The following DOCK2 variants were observed in gnomAD, a reference collection of about 807,000 sequenced individuals.
The protein encoded by DOCK2 is dedicator of cytokinesis 2.
DOCK2 carries 87 observed loss-of-function variants against 248.9 expected under a neutral mutation model. The ratio of observed to expected loss-of-function variants is 0.35; its 90% CI spans 0.29 to 0.42. DOCK2 has a LOEUF of 0.42. Among genes scored for constraint, DOCK2 ranks in the 10% least tolerant of loss-of-function variants. DOCK2 has a pLI of 1.00. For missense variants in DOCK2, 1,747 were observed against 2,300.2 expected, an observed-to-expected ratio of 0.76 and a Z score of 4.92; for synonymous variants, 805 against 821.6, an observed-to-expected ratio of 0.98 and a Z score of 0.35.
In DOCK2 at chr5:169,687,066, T is replaced by G. The variant is rs144075944; in HGVS notation, c.762-2186T>G. On this transcript the variant is annotated intron_variant, in intron 8 of 51. Coordinates refer to ENST00000520908, the MANE Select transcript of DOCK2 (RefSeq NM_004946.3). ...CCCTCCAAATTGTTTTCCTTATTTA[T>G]GATTGTGCTTCTCCTGGAAGAAAAT... Among the ~76,000 whole-genome samples the G allele has an allele frequency of 1.1e-4, 16 of 152,290 alleles. No homozygotes were observed. The East Asian group carries it at 2.7e-3, about 26-fold the overall frequency.
intron 27 of DOCK2, among the ~76,000 whole-genome samples, chr5:169,857,568 A>G (rs1302414956): frequency 1.3e-5 from 2 of 152,152 alleles, no homozygotes; most frequent in African/African-American, 4.8e-5. Flanking sequence ...CTCTCACCTC[A>G]GGAGAGTTAG....
At chr5:169,840,709 A>T (rs1340596271) in intron 26 of DOCK2, 48 bp from the exon 27 acceptor site, 1 of 1,568,990 alleles carries the variant, frequency 6.4e-7, no homozygotes, top group Non-Finnish European at 8.8e-7. Context: ...ACAATTGTTC[A>T]GATGCAGTGT....
chr5:169,982,311 A>G (rs537652896), intron 27 of DOCK2, among the ~76,000 whole-genome samples: 2 of 152,278 alleles, frequency 1.3e-5, no homozygotes, highest in African/African-American at 2.4e-5. Flanking sequence ...TCACCCTGAT[A>G]TGGACTGATA....
At chr5:169,659,449 G>A (rs1758322470) in intron 2 of DOCK2, among the ~76,000 whole-genome samples, 2 of 152,086 alleles carry the variant, frequency 1.3e-5, no homozygotes, top group Non-Finnish European at 2.9e-5. Context: ...ACTGAAACTG[G>A]CAGATGTATA....
intron 27 of DOCK2, among the ~76,000 whole-genome samples, chr5:169,853,804 C>CTTTTTTTTTTTTTTTTT (rs67124138): frequency 3.5e-5 from 2 of 56,858 alleles, no homozygotes; most frequent in African/African-American, 8.0e-5. Context: ...GGAAAAACAA[C>CTTTTTTTTTTTTTTTTT]TTTTTTTTTT....
chr5:169,990,813 G>A (rs796192456), intron 29 of DOCK2, among the ~76,000 whole-genome samples: 23 of 152,278 alleles, frequency 1.5e-4, no homozygotes, highest in African/African-American at 3.8e-4. Flanking sequence ...GGGCATGTCC[G>A]CCTCCTCTCC....
At chr5:170,035,740 C>A (rs1756301283) in intron 35 of DOCK2, among the ~76,000 whole-genome samples, 1 of 152,050 alleles carries the variant, frequency 6.6e-6, no homozygotes, top group Non-Finnish European at 1.5e-5. Flanking sequence ...CAAATGATGT[C>A]CAGTATGATT....
At chr5:169,949,359 A>G (rs1776569865) in intron 27 of DOCK2, among the ~76,000 whole-genome samples, 1 of 152,206 alleles carries the variant, frequency 6.6e-6, no homozygotes. Context: ...ATGGAGGCCC[A>G]TGAGAGGAGA....
intron 26 of DOCK2, among the ~76,000 whole-genome samples, chr5:169,824,019 T>C (rs1194717200): frequency 6.6e-6 from 1 of 152,140 alleles, no homozygotes; most frequent in South Asian, 2.1e-4. Context: ...TTCTCTTTCA[T>C]AATTGCTTCA....
chr5:170,000,197 G>GC (rs1240104175), intron 30 of DOCK2: 1 of 152,162 alleles, frequency 6.6e-6, no homozygotes, highest in Non-Finnish European at 1.5e-5. Context: ...AAAGAACACT[G>GC]CCCTACCCTC....
chr5:169,711,407 C>T (rs1352867162), intron 15 of DOCK2, among the ~76,000 whole-genome samples: 1 of 152,162 alleles, frequency 6.6e-6, no homozygotes, highest in Non-Finnish European at 1.5e-5. Context: ...TCCTTGGAAT[C>T]AAAAACATCT....
intron 43 of DOCK2, chr5:170,057,291 G>T: frequency 2.2e-6 from 1 of 449,070 alleles, no homozygotes; most frequent in South Asian, 2.2e-5. Context: ...ACCCTTCCCC[G>T]AGAAAACAAA....
intron 27 of DOCK2, among the ~76,000 whole-genome samples, chr5:169,866,928 A>C (rs1454123985): frequency 6.6e-6 from 1 of 152,212 alleles, no homozygotes; most frequent in East Asian, 1.9e-4. Flanking sequence ...ACCCAGAGAT[A>C]GCATCAGATT....
chr5:170,050,149 TG>T, intron 40 of DOCK2, 106 bp from the exon 41 acceptor site: 3 of 1,427,596 alleles, frequency 2.1e-6, no homozygotes, highest in Non-Finnish European at 2.9e-6. Flanking sequence ...AGTGATGCAC[TG>T]GACATCCCCA....
chr5:169,714,270 A>ACC, intron 18 of DOCK2, 59 bp downstream of exon 18: 4 of 1,606,940 alleles, frequency 2.5e-6, no homozygotes, highest in South Asian at 1.1e-5. Flanking sequence ...GTGTGTGTAC[A>ACC]TGTGTGTATG....
chr5:169,753,765 G>A (rs77309737), intron 23 of DOCK2, among the ~76,000 whole-genome samples: 13,824 of 152,148 alleles, frequency 0.091, 804 homozygotes, highest in African/African-American at 0.17. Context: ...CCTTCACTTT[G>A]CCTGAGAGAT....
At chr5:169,994,049 ACT>A (rs1778275296) in intron 29 of DOCK2, among the ~76,000 whole-genome samples, 1 of 152,178 alleles carries the variant, frequency 6.6e-6, no homozygotes, top group Non-Finnish European at 1.5e-5. Context: ...ATTGTCCTTA[ACT>A]TAGTTGGGAA....
At chr5:169,922,595 C>T (rs1775234295) in intron 27 of DOCK2, among the ~76,000 whole-genome samples, 1 of 152,194 alleles carries the variant, frequency 6.6e-6, no homozygotes. Context: ...TAGAGAATAT[C>T]ACCTACATTA....
chr5:169,796,432 T>C (rs1414260730), intron 25 of DOCK2, among the ~76,000 whole-genome samples: 1 of 152,216 alleles, frequency 6.6e-6, no homozygotes. Flanking sequence ...AGGCCACTGC[T>C]GACCTTCTAT....
Sources: gnomAD v4.1 joint callset for allele counts (sites outside exome capture counted in the v4.1 genomes callset) on GRCh38, gnomAD v4.1.1 for gene constraint, MANE v1.5 for transcripts, NCBI Gene and HGNC (gene_info 2026-07-23, HGNC 2026-07-21) for gene names.